Variants in ZNF438 observed in about 807,000 individuals in gnomAD.
ZNF438 encodes zinc finger protein 438.
Under a neutral mutation model 38.0 loss-of-function variants are expected in ZNF438, and 25 were observed. That is an observed-to-expected ratio of 0.66 (90% CI 0.48 to 0.92). The LOEUF is 0.92. Ranked by LOEUF, ZNF438 falls within the 40% of genes least tolerant of loss-of-function variation. The pLI, the probability that ZNF438 is intolerant of heterozygous loss-of-function variation, is 0.00. For synonymous variants in ZNF438, 372 were observed against 364.1 expected, an observed-to-expected ratio of 1.02 and a Z score of -0.25; for missense variants, 1,007 against 999.6, an observed-to-expected ratio of 1.01 and a Z score of -0.10.
chr10:30,948,324 A>G (rs2047704090), intron 1 of ZNF438, among the ~76,000 whole-genome samples: 1 of 152,106 alleles, frequency 6.6e-6, no homozygotes, highest in South Asian at 2.1e-4. Context: ...AAAACTGGAA[A>G]CTCTAAAAAG....
chr10:30,910,143 G>A (rs536384041), intron 2 of ZNF438, among the ~76,000 whole-genome samples: 110 of 152,196 alleles, frequency 7.2e-4, no homozygotes, highest in Non-Finnish European at 1.3e-3. Flanking sequence ...TTTTCCTAGG[G>A]TGTTAGAGTA....
exon 5 of ZNF438, chr10:30,849,699 G>C (rs1408763820): frequency 1.2e-6 from 2 of 1,614,104 alleles, no homozygotes; most frequent in African/African-American, 1.3e-5. Flanking sequence ...TTCCCTGAAA[G>C]AGCTGTGAGG....
intron 4 of ZNF438, among the ~76,000 whole-genome samples, chr10:30,871,444 C>T (rs1347109527): frequency 2.0e-5 from 3 of 152,068 alleles, no homozygotes. Context: ...CTACTACATG[C>T]CAGGACGCTT....
intron 4 of ZNF438, among the ~76,000 whole-genome samples, chr10:30,851,886 C>A (rs144480374): frequency 3.3e-5 from 5 of 151,906 alleles, no homozygotes; most frequent in Non-Finnish European, 7.4e-5. Flanking sequence ...CAGCTGGGCA[C>A]GGGGGCTCAC....
chr10:31,001,228 A>G (rs1465332927), intron 1 of ZNF438, among the ~76,000 whole-genome samples: 2 of 152,258 alleles, frequency 1.3e-5, no homozygotes, highest in Admixed American at 1.3e-4. Context: ...TTTTAAAAAA[A>G]CAACTACCAT....
chr10:30,956,115 T>C (rs994605598), intron 1 of ZNF438, among the ~76,000 whole-genome samples: 1 of 152,226 alleles, frequency 6.6e-6, no homozygotes, highest in African/African-American at 2.4e-5. Flanking sequence ...TCTCCTTCAG[T>C]TCATTTAACA....
intron 1 of ZNF438, among the ~76,000 whole-genome samples, chr10:30,943,863 CA>C (rs2047082143): frequency 6.0e-5 from 1 of 16,698 alleles, no homozygotes; most frequent in Non-Finnish European, 1.8e-4. Flanking sequence ...GATGGTAAAA[CA>C]AACAAACAAA....
chr10:30,918,768 G>C (rs1312606650), intron 2 of ZNF438, among the ~76,000 whole-genome samples: 1 of 152,106 alleles, frequency 6.6e-6, no homozygotes, highest in African/African-American at 2.4e-5. Flanking sequence ...AATCAGGCTG[G>C]GGAATTTTTA....
intron 1 of ZNF438, among the ~76,000 whole-genome samples, chr10:30,958,067 A>G (rs1364991853): frequency 6.8e-6 from 1 of 146,208 alleles, no homozygotes; most frequent in Non-Finnish European, 1.6e-5. Context: ...TGCTTTGGCT[A>G]CTCGAGGTCT....
chr10:30,845,403 G>T lies in ZNF438; in HGVS notation c.2045C>A (p.Thr682Asn). 4 of 1,614,094 alleles carry T rather than the reference G, an allele frequency of 2.5e-6. 1 individual carries two copies. In the South Asian group the frequency reaches 4.4e-5, roughly 18 times the overall value. The change falls in exon 6 of 6, where the codon ACC (threonine) becomes AAC (asparagine). Residue 682 changes from threonine (T) to asparagine (N), a missense_variant. Coordinates refer to ENST00000413025, the Ensembl canonical transcript of ZNF438. Reference sequence around the variant, plus strand: ...CTGAGTCCCCTTGCTTCCTGGGAAGGTCCCTTCTTGTAGCCTGCCCTCAAT... The same window carrying T: ...CTGAGTCCCCTTGCTTCCTGGGAAGTTCCCTTCTTGTAGCCTGCCCTCAAT...
chr10:30,935,951 G>A (rs1173667149), intron 2 of ZNF438, among the ~76,000 whole-genome samples: 1 of 152,176 alleles, frequency 6.6e-6, no homozygotes, highest in Non-Finnish European at 1.5e-5. Flanking sequence ...TTCAAGATGA[G>A]ATTTGGGTGG....
rs75741699 is a variant in ZNF438 at position 30,899,030 on chromosome 10, G to A, written c.-32+9903C>T. 2.9e-4 allele frequency among the ~76,000 whole-genome samples: 44 copies of A among 152,116 alleles called. 1 individual carries two copies. The East Asian group carries it at 7.9e-3, about 27-fold the overall frequency. Reference sequence around the variant, plus strand: ...CCTTCTTCAGATTAGTTAAGGTCCCGTTATTCTATCTTTTCTTTGCACAAT... The same window carrying A: ...CCTTCTTCAGATTAGTTAAGGTCCCATTATTCTATCTTTTCTTTGCACAAT... On this transcript the variant is annotated intron_variant, in intron 3 of 5. Coordinates refer to ENST00000413025, the Ensembl canonical transcript of ZNF438.
intron 2 of ZNF438, among the ~76,000 whole-genome samples, chr10:30,917,108 T>G (rs1272054983): frequency 6.6e-6 from 1 of 152,070 alleles, no homozygotes; most frequent in Non-Finnish European, 1.5e-5. Context: ...CAAAGTTTGT[T>G]CCTTCAAAAT....
In ZNF438 at chr10:30,930,803, C is replaced by CAAAAAAAAAAAAAAAAAAAAAAAAAAA. The variant is rs71527620; in HGVS notation, c.-115+10745_-115+10771dup. 4.9e-4 allele frequency among the ~76,000 whole-genome samples: 19 copies of CAAAAAAAAAAAAAAAAAAAAAAAAAAA among 38,442 alleles called. 3 individuals carry two copies. The highest frequency in any genetic ancestry group is 5.9e-4 in the Non-Finnish European group (12 of 20,344). The allele number at this position is 38,442 out of a possible 152,430, so 25.2% of individuals were successfully genotyped here. On this transcript the variant is annotated intron_variant, in intron 2 of 5. Coordinates refer to ENST00000413025, the Ensembl canonical transcript of ZNF438. ...GCCTGGCGACAGAGAGAAACTCAGT[C>CAAAAAAAAAAAAAAAAAAAAAAAAAAA]AAAAAAAAAAAAAAAAAAAAAAAAA...
chr10:30,884,135 G>C (rs551025376), intron 3 of ZNF438, among the ~76,000 whole-genome samples: 1 of 151,834 alleles, frequency 6.6e-6, no homozygotes, highest in Admixed American at 6.5e-5. Context: ...TAGAAGAGGA[G>C]TGCCATCAAA....
intron 1 of ZNF438, among the ~76,000 whole-genome samples, chr10:30,965,363 G>A (rs1455777550): frequency 1.3e-5 from 2 of 152,110 alleles, no homozygotes; most frequent in East Asian, 1.9e-4. Flanking sequence ...AGCCACTGTG[G>A]ACAGCAGTTT....
In ZNF438 at chr10:31,000,931, G is replaced by A. The variant is rs540512573; in HGVS notation, c.-192+30902C>T. ...TCTACACTTCTACCTTTCTGTTCAT[G>A]CTTTTCCCCTTTTCTCCTATCCATC... On this transcript the variant is annotated intron_variant, in intron 1 of 5. Coordinates refer to ENST00000413025, the Ensembl canonical transcript of ZNF438. Among the ~76,000 whole-genome samples, 5 of 152,148 alleles carry A rather than the reference G, an allele frequency of 3.3e-5. No homozygotes were observed. In the South Asian group the frequency reaches 8.3e-4, roughly 25 times the overall value.
At chr10:30,848,210 T>C (rs780922346) in intron 5 of ZNF438, among the ~76,000 whole-genome samples, 2 of 152,214 alleles carry the variant, frequency 1.3e-5, no homozygotes, top group Non-Finnish European at 2.9e-5. Context: ...CCATGGGTCA[T>C]GCCGCATTTT....
intron 3 of ZNF438, among the ~76,000 whole-genome samples, chr10:30,900,530 A>G (rs1344027403): frequency 1.3e-5 from 2 of 152,242 alleles, no homozygotes; most frequent in Non-Finnish European, 2.9e-5. Flanking sequence ...CTATGGCTCC[A>G]AACAGTGTTC....
Sources: gnomAD v4.1 joint callset for allele counts (sites outside exome capture counted in the v4.1 genomes callset) on GRCh38, gnomAD v4.1.1 for gene constraint, MANE v1.5 for transcripts, NCBI Gene and HGNC (gene_info 2026-07-23, HGNC 2026-07-21) for gene names.